Variants in MID1 observed in about 807,000 individuals in gnomAD.
MID1 encodes the protein E3 ubiquitin-protein ligase Midline-1.
MID1 carries 7 observed loss-of-function variants against 40.4 expected under a neutral mutation model. The ratio of observed to expected loss-of-function variants is 0.17; its 90% confidence interval spans 0.10 to 0.33. The LOEUF (loss-of-function observed/expected upper bound fraction) is 0.33. Among genes scored for constraint, MID1 ranks in the 10% least tolerant of loss-of-function variants. The pLI, the probability that MID1 is intolerant of heterozygous loss-of-function variation, is 1.00. For synonymous variants in MID1, 229 were observed against 221.2 expected (o/e 1.04, Z -0.31); for missense variants, 367 against 558.5 (o/e 0.66, Z 3.46).
At chrX:10,586,046 G>C (rs1299169131) in intron 1 of MID1, among the ~76,000 whole-genome samples, 1 of 111,147 alleles carries the variant, frequency 9.0e-6, no homozygotes, top group Non-Finnish European at 1.9e-5. Context: ...GGCTCAGATG[G>C]GTCATAACAC....
intron 7 of MID1, chrX:10,469,410 ATGTATCTCTCTATATATT>A: frequency 1.9e-6 from 2 of 1,055,650 alleles, no homozygotes; most frequent in Non-Finnish European, 2.4e-6. Flanking sequence ...TTCTCTCTCT[ATGTATCTCTCTATATATT>A]TGTTTCTCTC....
At chrX:10,605,481 C>T (rs1249746121) in intron 1 of MID1, among the ~76,000 whole-genome samples, 1 of 111,688 alleles carries the variant, frequency 9.0e-6, no homozygotes, top group African/African-American at 3.3e-5. Flanking sequence ...TTTTAGCCTA[C>T]ACAAGTAATT....
At chrX:10,658,428 TAAAAAAAAAAAAAAAAAAAAAA>T (rs35116185) in intron 1 of MID1, among the ~76,000 whole-genome samples, 2 of 5,578 alleles carry the variant, frequency 3.6e-4, no homozygotes, top group East Asian at 0.011. Context: ...CCTTCAACTG[TAAAAAAAAAAAAAAAAAAAAAA>T]AAAAAAAAAA....
At chrX:10,676,539 C>A (rs992053510) in intron 1 of MID1, among the ~76,000 whole-genome samples, 1 of 112,019 alleles carries the variant, frequency 8.9e-6, no homozygotes, top group African/African-American at 3.2e-5. Flanking sequence ...CTAGGCCAGG[C>A]AACTGGGTCT....
chrX:10,588,625 C>G (rs1405857804), intron 1 of MID1, among the ~76,000 whole-genome samples: 1 of 109,450 alleles, frequency 9.1e-6, no homozygotes, highest in Non-Finnish European at 1.9e-5. Context: ...CTTTCTGTCT[C>G]TCTGTCTCTC....
intron 1 of MID1, among the ~76,000 whole-genome samples, chrX:10,608,967 T>C (rs1373960040): frequency 1.8e-5 from 2 of 112,135 alleles, no homozygotes; most frequent in African/African-American, 6.5e-5. Context: ...AAGAATAAGA[T>C]AGATGAAGGA....
chrX:10,789,786 C>T (rs1374815393), intron 1 of MID1, among the ~76,000 whole-genome samples: 2 of 111,754 alleles, frequency 1.8e-5, no homozygotes, highest in Admixed American at 1.9e-4. Flanking sequence ...TATAGGGGAA[C>T]GAGTTCATCA....
intron 1 of MID1, among the ~76,000 whole-genome samples, chrX:10,819,789 C>G (rs976704176): frequency 9.0e-6 from 1 of 111,593 alleles, no homozygotes; most frequent in Non-Finnish European, 1.9e-5. Context: ...ATCCTAGGAC[C>G]TGAGTAAGAG....
At chrX:10,709,164 C>T (rs1191378136) in intron 1 of MID1, among the ~76,000 whole-genome samples, 1 of 112,043 alleles carries the variant, frequency 8.9e-6, no homozygotes, top group Non-Finnish European at 1.9e-5. Flanking sequence ...TTTCAAGGTT[C>T]AAAAATCTCC....
chrX:10,658,657 G>A (rs1447596622), intron 1 of MID1, among the ~76,000 whole-genome samples: 2 of 109,568 alleles, frequency 1.8e-5, no homozygotes, highest in Non-Finnish European at 3.8e-5. Context: ...TTTCTGCAAT[G>A]AAACTCACCA....
intron 1 of MID1, among the ~76,000 whole-genome samples, chrX:10,575,824 A>G (rs1350349342): frequency 1.8e-5 from 2 of 111,343 alleles, no homozygotes; most frequent in Non-Finnish European, 3.8e-5. Flanking sequence ...TAAATAATAC[A>G]TCAAGTAAGA....
rs1481025949 is a variant in MID1, at chrX:10,758,763, C to T, written c.-187+74791G>A. On this transcript the variant is annotated intron_variant, in intron 1 of 10. Transcript: ENST00000380785. ...TCAGCCTCCCAAAGTGCTGGGATTA[C>T]AGGCTTGAGCCACCGCGCCCGGCCT... 2.7e-5 allele frequency among the ~76,000 whole-genome samples: 3 copies of T among 110,995 alleles called. No individual in the cohort carries two copies. In the Admixed American group the frequency reaches 2.9e-4, roughly 11 times the overall value.
At chrX:10,776,906 C>T (rs2043806518) in intron 1 of MID1, among the ~76,000 whole-genome samples, 1 of 112,237 alleles carries the variant, frequency 8.9e-6, no homozygotes, top group African/African-American at 3.2e-5. Flanking sequence ...ATGATTTACT[C>T]TCTTTCTATA....
At chrX:10,477,197 T>C (rs1398163236) in intron 5 of MID1, among the ~76,000 whole-genome samples, 1 of 113,106 alleles carries the variant, frequency 8.8e-6, no homozygotes, top group Admixed American at 9.3e-5. Flanking sequence ...TGCATTTCCC[T>C]GGCTTTAGCA....
At chrX:10,830,150 T>C (rs757414850) in intron 1 of MID1, among the ~76,000 whole-genome samples, 141 of 112,608 alleles carry the variant, frequency 1.3e-3, no homozygotes, top group South Asian at 2.2e-3. Flanking sequence ...ATGGAGATCA[T>C]CTGGTCAGTG....
rs189606825 is a variant in MID1, at chrX:10,537,124, C to T, written c.661-13937G>A. ...TGTTCACAACGTGCCCTCTCTCACACGCAAAAAAACAGTCATGCTGAAGTT... is the reference window on the plus strand; with the variant it reads ...TGTTCACAACGTGCCCTCTCTCACATGCAAAAAAACAGTCATGCTGAAGTT... On this transcript the variant is annotated intron_variant, in intron 2 of 9. Transcript: ENST00000317552. 9.0e-5 allele frequency among the ~76,000 whole-genome samples: 10 copies of T among 110,819 alleles called. No homozygotes were observed. In the East Asian group the frequency reaches 1.4e-3, roughly 16 times the overall value.
At chrX:10,480,359 A>T (rs1930252030) in intron 5 of MID1, among the ~76,000 whole-genome samples, 2 of 112,157 alleles carry the variant, frequency 1.8e-5, no homozygotes, top group African/African-American at 6.5e-5. Context: ...TTTCAGCAAT[A>T]ACTGTTATGG....
chrX:10,766,152 C>A (rs184888071), intron 1 of MID1, among the ~76,000 whole-genome samples: 67 of 111,526 alleles, frequency 6.0e-4, no homozygotes, highest in Non-Finnish European at 1.0e-3. Context: ...AAAAGACCAA[C>A]AATCGTGCCA....
chrX:10,634,019 A>G (rs113498775), intron 1 of MID1, among the ~76,000 whole-genome samples: 3,732 of 110,954 alleles, frequency 0.034, 79 homozygotes, highest in African/African-American at 0.08. Flanking sequence ...GACAGAGAGA[A>G]AGTCTCTTGG....
Sources: allele counts gnomAD v4.1 joint callset (sites outside exome capture counted in the v4.1 genomes callset), GRCh38; gene constraint gnomAD v4.1.1; transcripts MANE v1.5; gene names NCBI Gene and HGNC (gene_info 2026-07-23, HGNC 2026-07-21).